The following SLC9A9 variants were observed in gnomAD, a reference collection of about 807,000 sequenced individuals.
SLC9A9 encodes sodium/hydrogen exchanger 9.
SLC9A9 carries 62 observed loss-of-function variants against 77.8 expected under a neutral mutation model. That is an observed-to-expected ratio of 0.80 (90% CI 0.65 to 0.98). The LOEUF is 0.98. Among genes scored for constraint, SLC9A9 ranks in the 50% least tolerant of loss-of-function variants. SLC9A9 has a pLI of 0.00. For synonymous variants in SLC9A9, 320 were observed against 283.5 expected, an observed-to-expected ratio of 1.13 and a Z score of -1.29; for missense variants, 775 against 774.9, an observed-to-expected ratio of 1.00 and a Z score of 0.00.
rs150282730 is a variant in SLC9A9 at position 143,644,808 on chromosome 3, C to T, written c.755+7447G>A. Among the ~76,000 whole-genome samples, 295 of 152,022 alleles carry T rather than the reference C, an allele frequency of 1.9e-3. 11 individuals are homozygous for T. The East Asian group carries it at 0.046, about 24-fold the overall frequency. ...TGTATCACCCCAGTATCTAGACAGG[C>T]ATCAAAATAAATGAGTTTCATGCTG... is the stretch of plus-strand genomic sequence containing the variant. On this transcript the variant is annotated intron_variant, in intron 6 of 15. Coordinates refer to ENST00000316549, the MANE Select transcript of SLC9A9 (RefSeq NM_173653.4).
intron 14 of SLC9A9, among the ~76,000 whole-genome samples, chr3:143,342,040 A>AT (rs1469152146): frequency 6.6e-6 from 1 of 152,178 alleles, no homozygotes; most frequent in African/African-American, 2.4e-5. Context: ...CATCACAGTC[A>AT]GGACCCAGCT....
rs944883996 is a variant in SLC9A9, at chr3:143,796,760, T to C, written c.456+66A>G. On this transcript the variant is annotated intron_variant, in intron 3 of 15. Transcript: ENST00000316549. ...AGAGAAGCCCATAAAAATAACAGTT[T>C]CTCATTAGTGCTGGTAAAATTCTCT... 2.6e-6 allele frequency: 3 copies of C among 1,142,550 alleles called. No individual in the cohort carries two copies. In the African/African-American group the frequency reaches 4.7e-5, roughly 18 times the overall value. The allele number at this position is 1,142,550 out of a possible 1,614,324, so 70.8% of individuals were successfully genotyped here.
At chr3:143,337,764 G>T (rs1278586784) in intron 14 of SLC9A9, among the ~76,000 whole-genome samples, 2 of 152,204 alleles carry the variant, frequency 1.3e-5, no homozygotes, top group Admixed American at 6.5e-5. Flanking sequence ...GTTCTTGGGG[G>T]AACCAAAGAC....
chr3:143,435,258 T>C (rs1274881898), intron 12 of SLC9A9, among the ~76,000 whole-genome samples: 1 of 152,204 alleles, frequency 6.6e-6, no homozygotes, highest in African/African-American at 2.4e-5. Context: ...TGGTTTGTTT[T>C]TGAATTTTAA....
chr3:143,611,564 A>G (rs2038022489), intron 6 of SLC9A9, among the ~76,000 whole-genome samples: 1 of 152,248 alleles, frequency 6.6e-6, no homozygotes, highest in Non-Finnish European at 1.5e-5. Context: ...AAAATCATAC[A>G]GCAGTAGATT....
At chr3:143,393,656 A>C (rs866421932) in intron 12 of SLC9A9, among the ~76,000 whole-genome samples, 27 of 152,212 alleles carry the variant, frequency 1.8e-4, no homozygotes, top group Admixed American at 3.9e-4. Context: ...ATCAATGAAT[A>C]CAGGAGCTGG....
rs2108393485 is a variant in SLC9A9, at chr3:143,266,848, G to A, written c.1792C>T (p.Pro598Ser). ...CCTAGCCTTGCAGGAGGACTGCAGGGTGAGGAGGCTTGCTCCTGGTAATTT... is the reference window on the plus strand; with the variant it reads ...CCTAGCCTTGCAGGAGGACTGCAGGATGAGGAGGCTTGCTCCTGGTAATTT... ...AINYQEQASS[P>S]CSPPARLGLD... The change falls in exon 16 of 16, where the codon CCC (proline) becomes TCC (serine). Residue 598 changes from proline (P) to serine (S), a missense_variant. Physicochemically the swap from Pro to Ser is moderately conservative, Grantham distance 74. Transcript: ENST00000316549. 3 of 1,614,214 alleles carry A rather than the reference G, an allele frequency of 1.9e-6. No individual in the cohort carries two copies. Among genetic ancestry groups the A allele is most frequent in the South Asian group, 1.1e-5 (1 of 91,078 alleles).
chr3:143,805,041 A>T (rs1415940205), intron 2 of SLC9A9, among the ~76,000 whole-genome samples: 1 of 152,208 alleles, frequency 6.6e-6, no homozygotes, highest in African/African-American at 2.4e-5. Flanking sequence ...CAACATAAAA[A>T]AACTCAAGGA....
intron 4 of SLC9A9, among the ~76,000 whole-genome samples, chr3:143,735,313 ACTCCTGTC>A (rs1305982928): frequency 6.6e-6 from 1 of 151,940 alleles, no homozygotes; most frequent in Non-Finnish European, 1.5e-5. Context: ...AATAAAAAGG[ACTCCTGTC>A]CTTTGGGGAA....
intron 12 of SLC9A9, among the ~76,000 whole-genome samples, chr3:143,398,824 C>T (rs1026368030): frequency 1.3e-5 from 2 of 152,106 alleles, no homozygotes; most frequent in African/African-American, 2.4e-5. Context: ...ATAACAGTTG[C>T]CAAAACTATT....
intron 9 of SLC9A9, among the ~76,000 whole-genome samples, 193 bp from the exon 10 acceptor site, chr3:143,495,641 C>T (rs1225961871): frequency 6.6e-6 from 1 of 152,148 alleles, no homozygotes; most frequent in East Asian, 1.9e-4. Context: ...ACAGCCACAT[C>T]AGCATCCCAT....
chr3:143,331,829 C>A (rs975890920), intron 14 of SLC9A9, among the ~76,000 whole-genome samples: 3 of 151,872 alleles, frequency 2.0e-5, no homozygotes, highest in African/African-American at 7.3e-5. Context: ...TATGGTGTGA[C>A]AAAATCAGTT....
intron 1 of SLC9A9, among the ~76,000 whole-genome samples, chr3:143,847,246 CTGT>C (rs2009849720): frequency 6.6e-6 from 1 of 152,178 alleles, no homozygotes; most frequent in Non-Finnish European, 1.5e-5. Flanking sequence ...AATGCCTTGC[CTGT>C]TGCCATTGTG....
At chr3:143,634,069 C>T (rs1297940120) in intron 6 of SLC9A9, among the ~76,000 whole-genome samples, 1 of 152,104 alleles carries the variant, frequency 6.6e-6, no homozygotes, top group Non-Finnish European at 1.5e-5. Flanking sequence ...TCACTGTGGT[C>T]AAGTCGAAAG....
intron 5 of SLC9A9, among the ~76,000 whole-genome samples, chr3:143,679,829 C>T (rs1255421402): frequency 6.6e-6 from 1 of 151,962 alleles, no homozygotes; most frequent in Non-Finnish European, 1.5e-5. Flanking sequence ...ATACATAAAA[C>T]ATTTTCAATA....
intron 4 of SLC9A9, among the ~76,000 whole-genome samples, chr3:143,754,330 A>G (rs2006850488): frequency 6.6e-6 from 1 of 152,190 alleles, no homozygotes; most frequent in Non-Finnish European, 1.5e-5. Flanking sequence ...TTCTGCTTTT[A>G]TCCCTCTGAA....
intron 12 of SLC9A9, among the ~76,000 whole-genome samples, chr3:143,395,464 C>T (rs1387929750): frequency 6.6e-6 from 1 of 152,206 alleles, no homozygotes; most frequent in Non-Finnish European, 1.5e-5. Flanking sequence ...GGATTAAGGA[C>T]TTAAATGTTA....
chr3:143,343,269 G>C (rs1271006129), intron 14 of SLC9A9: 3 of 152,122 alleles, frequency 2.0e-5, no homozygotes, highest in Admixed American at 2.0e-4. Context: ...TTGTGTGTGA[G>C]TGTATGACAG....
At chr3:143,802,620 G>A (rs1031668026) in intron 2 of SLC9A9, among the ~76,000 whole-genome samples, 7 of 152,128 alleles carry the variant, frequency 4.6e-5, no homozygotes, top group African/African-American at 1.2e-4. Context: ...TATACAGTCC[G>A]ATAACGGATG....
Sources: allele counts gnomAD v4.1 joint callset (sites outside exome capture counted in the v4.1 genomes callset), GRCh38; gene constraint gnomAD v4.1.1; transcripts MANE v1.5; gene names NCBI Gene and HGNC (gene_info 2026-07-23, HGNC 2026-07-21).